The following ASAP1 variants were observed in gnomAD, a reference collection of about 807,000 sequenced individuals.
The protein encoded by ASAP1 is ArfGAP with SH3 domain, ankyrin repeat and PH domain 1, also known as arf-GAP with SH3 domain, ANK repeat and PH domain-containing protein 1.
In ASAP1, 43 loss-of-function variants were observed where a neutral mutation model predicts 145.2. The observed-to-expected ratio is 0.30, with a 90% CI of 0.23 to 0.38. The LOEUF (loss-of-function observed/expected upper bound fraction) is 0.38, where lower values mean the gene tolerates loss of function less well. ASAP1 is among the 10% of genes least tolerant of loss of function. The pLI is 1.00. For synonymous variants in ASAP1, 546 were observed against 515.5 expected (o/e 1.06, Z -0.80); for missense variants, 1,018 against 1,355.3 (o/e 0.75, Z 3.91).
intron 3 of ASAP1, among the ~76,000 whole-genome samples, chr8:130,305,161 T>C (rs2137470185): frequency 6.6e-6 from 1 of 152,272 alleles, no homozygotes; most frequent in Non-Finnish European, 1.5e-5. Flanking sequence ...ACAATCATTC[T>C]CTCTTGTATC....
At chr8:130,057,302 G>A (rs1409775075) in intron 29 of ASAP1, among the ~76,000 whole-genome samples, 3 of 152,180 alleles carry the variant, frequency 2.0e-5, no homozygotes, top group African/African-American at 2.4e-5. Flanking sequence ...TACTGGCTGA[G>A]GGACCACAGG....
intron 4 of ASAP1, among the ~76,000 whole-genome samples, chr8:130,228,492 G>A (rs1383755401): frequency 1.3e-5 from 2 of 152,006 alleles, no homozygotes; most frequent in African/African-American, 4.8e-5. Flanking sequence ...CTTGAGCCCA[G>A]GCGGTCAAGA....
At chr8:130,428,438 A>AT (rs1830011664) in intron 1 of ASAP1, among the ~76,000 whole-genome samples, 2 of 122,210 alleles carry the variant, frequency 1.6e-5, no homozygotes, top group African/African-American at 6.3e-5. Flanking sequence ...CATCATCACC[A>AT]CCACCACCAT....
chr8:130,094,488 G>A (rs775577439), intron 24 of ASAP1, among the ~76,000 whole-genome samples: 11 of 151,982 alleles, frequency 7.2e-5, no homozygotes, highest in African/African-American at 2.2e-4. Context: ...AATTATAGGC[G>A]TGAGTCACCA....
intron 13 of ASAP1, among the ~76,000 whole-genome samples, chr8:130,146,870 G>C (rs569567025): frequency 8.5e-5 from 13 of 152,130 alleles, no homozygotes; most frequent in Non-Finnish European, 1.9e-4. Context: ...TTCTATGAAA[G>C]AAGAGGTACC....
chr8:130,443,635 G>C lies in ASAP1; in HGVS notation c.-203C>G, dbSNP rs1311303770. 1 of 151,710 alleles carries C rather than the reference G, an allele frequency of 6.6e-6. No homozygotes were observed. Among genetic ancestry groups the C allele is most frequent in the African/African-American group, 2.4e-5 (1 of 41,366 alleles). 9.4% of individuals were successfully genotyped at this position (151,710 alleles called of 1,614,324 possible). ...GCAGCGGCCAGGCCAGGCGAGGCGC[G>C]GGAGCCGAGCGCGGCGCAGGAAGGG... is the stretch of plus-strand genomic sequence containing the variant. On this transcript the variant is annotated 5_prime_UTR_variant, in exon 1 of 30. Coordinates refer to ENST00000518721, the MANE Select transcript of ASAP1 (RefSeq NM_018482.4).
At chr8:130,227,817 G>C (rs532069583) in intron 4 of ASAP1, among the ~76,000 whole-genome samples, 7 of 152,126 alleles carry the variant, frequency 4.6e-5, no homozygotes, top group Admixed American at 2.0e-4. Context: ...CAGATAACGT[G>C]TGTCGTCGTT....
At chr8:130,245,220 A>C (rs1213668655) in intron 3 of ASAP1, among the ~76,000 whole-genome samples, 9 of 152,176 alleles carry the variant, frequency 5.9e-5, no homozygotes, top group African/African-American at 2.2e-4. Flanking sequence ...CACAGCCCCA[A>C]AATTGAAAGT....
At chr8:130,379,976 C>CCCTGCGA (rs1479843309) in intron 2 of ASAP1, among the ~76,000 whole-genome samples, 1 of 152,154 alleles carries the variant, frequency 6.6e-6, no homozygotes, top group Non-Finnish European at 1.5e-5. Context: ...GCCAGGATCC[C>CCCTGCGA]CCTGCGACCT....
intron 1 of ASAP1, among the ~76,000 whole-genome samples, chr8:130,436,344 G>A (rs750305295): frequency 6.6e-6 from 1 of 152,190 alleles, no homozygotes; most frequent in African/African-American, 2.4e-5. Context: ...ACCCAGGCTG[G>A]AGTGCAGTGG....
At chr8:130,356,383 A>C (rs1184083673) in intron 3 of ASAP1, among the ~76,000 whole-genome samples, 1 of 152,202 alleles carries the variant, frequency 6.6e-6, no homozygotes, top group Non-Finnish European at 1.5e-5. Flanking sequence ...AGAAGTATAT[A>C]CAATTAGTAC....
chr8:130,188,545 C>T (rs1370336856), intron 5 of ASAP1, among the ~76,000 whole-genome samples: 1 of 151,594 alleles, frequency 6.6e-6, no homozygotes, highest in East Asian at 1.9e-4. Context: ...ACCAGCCTGG[C>T]CAACATGGGG....
intron 8 of ASAP1, among the ~76,000 whole-genome samples, chr8:130,180,020 A>G (rs1814240383): frequency 7.1e-6 from 1 of 141,840 alleles, no homozygotes; most frequent in Admixed American, 7.0e-5. Flanking sequence ...GAGAGAGAGA[A>G]AGAAAGGAGA....
intron 3 of ASAP1, among the ~76,000 whole-genome samples, chr8:130,252,551 C>A (rs918811675): frequency 1.3e-5 from 2 of 152,148 alleles, no homozygotes; most frequent in African/African-American, 4.8e-5. Context: ...TCAGTAATCT[C>A]CATGTTGCCT....
chr8:130,284,422 G>A (rs567261336), intron 3 of ASAP1, among the ~76,000 whole-genome samples: 9 of 151,922 alleles, frequency 5.9e-5, no homozygotes, highest in East Asian at 3.9e-4. Context: ...AGGCAAAAAC[G>A]GGAGTCAAAT....
chr8:130,070,086 G>C (rs2097439337), intron 27 of ASAP1, among the ~76,000 whole-genome samples: 1 of 152,130 alleles, frequency 6.6e-6, no homozygotes, highest in African/African-American at 2.4e-5. Context: ...GCCCAGGCTG[G>C]AGTGCAGTGG....
At chr8:130,115,583 A>C (rs1271085543) in intron 23 of ASAP1, 45 bp downstream of exon 23, 1 of 1,442,624 alleles carries the variant, frequency 6.9e-7, no homozygotes, top group African/African-American at 1.4e-5. Context: ...AGACTAGAAA[A>C]GTTGGGGTAG....
chr8:130,206,799 A>C (rs1050479997), intron 5 of ASAP1, among the ~76,000 whole-genome samples: 1 of 152,172 alleles, frequency 6.6e-6, no homozygotes, highest in African/African-American at 2.4e-5. Context: ...GTCCATTGAG[A>C]ATCTATTTCA....
At chr8:130,400,351 C>A (rs1828730050) in intron 2 of ASAP1, among the ~76,000 whole-genome samples, 1 of 152,176 alleles carries the variant, frequency 6.6e-6, no homozygotes. Context: ...TTTTTATCAT[C>A]CTCTAACACA....
Sources: allele counts gnomAD v4.1 joint callset (sites outside exome capture counted in the v4.1 genomes callset), GRCh38; gene constraint gnomAD v4.1.1; transcripts MANE v1.5; gene names NCBI Gene and HGNC (gene_info 2026-07-23, HGNC 2026-07-21).